Variants in MACROD2 observed in about 807,000 individuals in gnomAD.
MACROD2 encodes the protein mono-ADP ribosylhydrolase 2.
In MACROD2, 36 loss-of-function variants were observed where a neutral mutation model predicts 70.4. The observed-to-expected ratio is 0.51, with a 90% CI of 0.39 to 0.68. MACROD2 has a LOEUF of 0.68. MACROD2 is among the 30% of genes least tolerant of loss of function. MACROD2 has a pLI of 0.00. For missense variants in MACROD2, 496 were observed against 538.4 expected (o/e 0.92, Z 0.78); for synonymous variants, 172 against 178.8 (o/e 0.96, Z 0.30).
chr20:15,145,320 T>G (rs569750163), intron 5 of MACROD2, among the ~76,000 whole-genome samples: 1 of 152,306 alleles, frequency 6.6e-6, no homozygotes, highest in East Asian at 1.9e-4. Flanking sequence ...TTTCTGCTTT[T>G]CCAAATTGAA....
chr20:15,640,243 A>G (rs1483712514), intron 8 of MACROD2, among the ~76,000 whole-genome samples: 3 of 152,068 alleles, frequency 2.0e-5, no homozygotes, highest in Non-Finnish European at 2.9e-5. Flanking sequence ...ATACAGATGA[A>G]ATGAGAAATA....
intron 2 of MACROD2, among the ~76,000 whole-genome samples, chr20:14,075,135 T>G (rs562093860): frequency 6.6e-6 from 1 of 152,278 alleles, no homozygotes; most frequent in South Asian, 2.1e-4. Flanking sequence ...ATGAAGTGCT[T>G]CTTTTAAGTA....
intron 3 of MACROD2, among the ~76,000 whole-genome samples, chr20:14,390,595 C>G (rs1413034107): frequency 1.3e-5 from 2 of 152,142 alleles, no homozygotes; most frequent in African/African-American, 4.8e-5. Flanking sequence ...GACCACACAC[C>G]TTTAACTATC....
intron 5 of MACROD2, among the ~76,000 whole-genome samples, chr20:14,696,509 TC>T (rs2071128103): frequency 1.3e-5 from 2 of 152,176 alleles, no homozygotes; most frequent in South Asian, 4.1e-4. Context: ...CTGGTGTGTT[TC>T]CCATTAGCTG....
At position 15,678,542 on chromosome 20, in the gene MACROD2, G is replaced by A. The variant is rs189551176; in HGVS notation, c.645+178695G>A. The stretch of plus-strand genomic sequence containing the variant: ...GCCTGGCTAATTTTTTGTATTTTTA[G>A]TAGAGACGAGGTTTCGTTATGTTAG... On this transcript the variant is annotated intron_variant, in intron 8 of 17. Transcript: ENST00000684519. Among the ~76,000 whole-genome samples, 145 of 152,176 alleles carry A rather than the reference G, an allele frequency of 9.5e-4. 2 individuals carry two copies. Among genetic ancestry groups the A allele is most frequent in the Admixed American group, 9.5e-3 (145 of 15,300 alleles).
intron 5 of MACROD2, among the ~76,000 whole-genome samples, chr20:14,868,159 T>C (rs2122411029): frequency 6.6e-6 from 1 of 151,558 alleles, no homozygotes; most frequent in East Asian, 1.9e-4. Context: ...GGGTTCCATC[T>C]CTCTCCCATA....
chr20:14,075,456 C>T (rs976885130), intron 2 of MACROD2, among the ~76,000 whole-genome samples: 4 of 152,176 alleles, frequency 2.6e-5, no homozygotes, highest in Non-Finnish European at 5.9e-5. Context: ...GGAGGGACTA[C>T]TAGTATGTGC....
At chr20:15,678,512 A>C (rs376085625) in intron 8 of MACROD2, among the ~76,000 whole-genome samples, 58 of 152,076 alleles carry the variant, frequency 3.8e-4, no homozygotes, top group African/African-American at 5.5e-4. Flanking sequence ...GGCGCCCGCC[A>C]CCATGCCTGG....
chr20:15,801,786 G>A (rs1034211455), intron 8 of MACROD2, among the ~76,000 whole-genome samples: 1 of 152,080 alleles, frequency 6.6e-6, no homozygotes, highest in African/African-American at 2.4e-5. Flanking sequence ...AGATAGCTTT[G>A]TGTAGTGTGG....
chr20:15,516,465 G>A (rs959117288), intron 8 of MACROD2, among the ~76,000 whole-genome samples: 1 of 152,106 alleles, frequency 6.6e-6, no homozygotes, highest in Admixed American at 6.6e-5. Context: ...GAAAGCTTAC[G>A]GTCTGTTGGA....
chr20:14,358,894 A>G (rs2083197015), intron 3 of MACROD2, among the ~76,000 whole-genome samples: 1 of 152,092 alleles, frequency 6.6e-6, no homozygotes, highest in Admixed American at 6.5e-5. Context: ...TTTTTGAAAA[A>G]ATTGTAGTGA....
At chr20:14,069,665 A>G (rs1033584289) in intron 2 of MACROD2, among the ~76,000 whole-genome samples, 1 of 147,906 alleles carries the variant, frequency 6.8e-6, no homozygotes, top group Non-Finnish European at 1.5e-5. Context: ...TGCAATCAAA[A>G]CAAATATTGG....
At chr20:14,429,572 A>G (rs986029733) in intron 3 of MACROD2, among the ~76,000 whole-genome samples, 1 of 152,162 alleles carries the variant, frequency 6.6e-6, no homozygotes, top group Non-Finnish European at 1.5e-5. Flanking sequence ...TGGTCCTTTT[A>G]GTGGACTTTA....
chr20:15,934,653 C>T (rs571947132), intron 11 of MACROD2, among the ~76,000 whole-genome samples: 20 of 152,012 alleles, frequency 1.3e-4, no homozygotes, highest in African/African-American at 2.2e-4. Flanking sequence ...CACTCACTAT[C>T]GTGTCCCAAA....
At chr20:14,193,307 G>T (rs2081403001) in intron 3 of MACROD2, among the ~76,000 whole-genome samples, 1 of 152,164 alleles carries the variant, frequency 6.6e-6, no homozygotes, top group Admixed American at 6.5e-5. Context: ...TTTGTATTGT[G>T]GATGTATAAA....
intron 5 of MACROD2, among the ~76,000 whole-genome samples, chr20:15,193,424 C>G (rs1288936761): frequency 1.3e-5 from 2 of 152,042 alleles, no homozygotes; most frequent in African/African-American, 4.8e-5. Context: ...GGGAGGATGA[C>G]GTGAGGCCAG....
At chr20:15,053,411 T>C (rs1056464165) in intron 5 of MACROD2, among the ~76,000 whole-genome samples, 3 of 152,172 alleles carry the variant, frequency 2.0e-5, no homozygotes, top group Admixed American at 6.5e-5. Context: ...CCAGTGCTCA[T>C]TGGCCATTTT....
intron 3 of MACROD2, among the ~76,000 whole-genome samples, chr20:14,253,700 C>A (rs2122282130): frequency 6.6e-6 from 1 of 152,186 alleles, no homozygotes; most frequent in South Asian, 2.1e-4. Context: ...GGGTGAGAAT[C>A]TGAACTTTTT....
chr20:14,325,598 T>C (rs777642167), intron 3 of MACROD2: 1 of 1,613,352 alleles, frequency 6.2e-7, no homozygotes, highest in Non-Finnish European at 8.5e-7. Context: ...CCACTGTCTC[T>C]GTAGCTTCGG....
Sources: allele counts gnomAD v4.1 joint callset (sites outside exome capture counted in the v4.1 genomes callset), GRCh38; gene constraint gnomAD v4.1.1; transcripts MANE v1.5; gene names NCBI Gene and HGNC (gene_info 2026-07-23, HGNC 2026-07-21).